The following GPC5 variants were observed in gnomAD, a reference collection of about 807,000 sequenced individuals.
The protein encoded by GPC5 is glypican 5.
Under a neutral mutation model 53.9 loss-of-function variants are expected in GPC5, and 47 were observed. That is an observed-to-expected ratio of 0.87 (90% CI 0.69 to 1.11). GPC5 has a LOEUF of 1.11. Among genes scored for constraint, GPC5 ranks in the 50% most tolerant of loss-of-function variants. The pLI, the probability that GPC5 is intolerant of heterozygous loss-of-function variation, is 0.00. For synonymous variants in GPC5, 286 were observed against 263.3 expected (o/e 1.09, Z -0.84); for missense variants, 748 against 713.1 (o/e 1.05, Z -0.56).
chr13:92,639,963 T>A (rs59856691), intron 7 of GPC5, among the ~76,000 whole-genome samples: 2,740 of 146,978 alleles, frequency 0.019, 75 homozygotes, highest in African/African-American at 0.067. Flanking sequence ...ATCCTGAGGA[T>A]TTTTTTTTTT....
chr13:92,583,973 T>C (rs1162590703), intron 7 of GPC5, among the ~76,000 whole-genome samples: 2 of 152,156 alleles, frequency 1.3e-5, no homozygotes, highest in East Asian at 1.9e-4. Flanking sequence ...CCTTCCACCA[T>C]GATTGTGAGG....
chr13:92,158,836 A>G (rs2041964803), intron 7 of GPC5, among the ~76,000 whole-genome samples: 1 of 152,114 alleles, frequency 6.6e-6, no homozygotes, highest in African/African-American at 2.4e-5. Flanking sequence ...TCCTCTAAGG[A>G]GAGGAGGCTG....
intron 7 of GPC5, among the ~76,000 whole-genome samples, chr13:92,523,588 A>C (rs995306136): frequency 6.6e-6 from 1 of 152,112 alleles, no homozygotes; most frequent in African/African-American, 2.4e-5. Context: ...CAAAATTTCT[A>C]GGTCTTCCAA....
intron 2 of GPC5, among the ~76,000 whole-genome samples, chr13:91,583,113 A>G (rs1407938980): frequency 6.6e-6 from 1 of 152,222 alleles, no homozygotes; most frequent in Non-Finnish European, 1.5e-5. Context: ...CAAACATTAT[A>G]CTTAATAATA....
chr13:92,398,211 C>T (rs891347015), intron 7 of GPC5, among the ~76,000 whole-genome samples: 4 of 151,590 alleles, frequency 2.6e-5, no homozygotes, highest in Non-Finnish European at 4.4e-5. Context: ...GGGCGGATCA[C>T]GAGGTCAGGA....
At position 92,144,945 on chromosome 13, in the gene GPC5, G is replaced by C; in HGVS notation, c.1517G>C (p.Gly506Ala). 6.3e-7 allele frequency: 1 copy of C among 1,578,506 alleles called. No homozygotes were observed. Among genetic ancestry groups the C allele is most frequent in the Non-Finnish European group, 8.6e-7 (1 of 1,165,594 alleles). The stretch of plus-strand genomic sequence containing the variant: ...TGTGATGATGAAGATGGTTGCGGGG[G>C]ATCAGGAAGTGGAGAAGTCAAGAGG... Reference protein sequence around the residue: ...GDCDDEDGCGGSGSGEVKRTL... With the variant: ...GDCDDEDGCGASGSGEVKRTL... The change falls in exon 7 of 8, where the codon GGA becomes GCA. Residue 506 changes from glycine to alanine, a missense_variant. Transcript: ENST00000377067.
At chr13:92,198,714 A>C (rs1254934992) in intron 7 of GPC5, among the ~76,000 whole-genome samples, 1 of 152,148 alleles carries the variant, frequency 6.6e-6, no homozygotes, top group South Asian at 2.1e-4. Flanking sequence ...CTTCTGATTC[A>C]GAGTGGGCAT....
intron 4 of GPC5, among the ~76,000 whole-genome samples, chr13:91,733,427 A>G (rs1319351210): frequency 6.6e-6 from 1 of 152,148 alleles, no homozygotes; most frequent in Non-Finnish European, 1.5e-5. Context: ...GCCACCGGGC[A>G]TGGCCTGCTA....
intron 2 of GPC5, among the ~76,000 whole-genome samples, chr13:91,481,720 C>G (rs558157416): frequency 6.6e-6 from 1 of 152,282 alleles, no homozygotes; most frequent in African/African-American, 2.4e-5. Flanking sequence ...CTCATAGCAC[C>G]TAGTTTTTGG....
chr13:92,851,677 T>C (rs2388945), intron 7 of GPC5, among the ~76,000 whole-genome samples: 150,034 of 151,012 alleles, frequency 0.99, 74,531 homozygotes, highest in East Asian at 1. Context: ...ATCAGGAGAT[T>C]GAGACCATCC....
At chr13:92,166,920 AGTCTCTCTCT>A (rs1357525326) in intron 7 of GPC5, among the ~76,000 whole-genome samples, 1 of 65,760 alleles carries the variant, frequency 1.5e-5, no homozygotes, top group African/African-American at 6.3e-5. Context: ...CATAAGTCTC[AGTCTCTCTCT>A]CTCTCTCTCT....
At chr13:92,169,300 C>T (rs2042053191) in intron 7 of GPC5, among the ~76,000 whole-genome samples, 1 of 152,168 alleles carries the variant, frequency 6.6e-6, no homozygotes, top group Non-Finnish European at 1.5e-5. Flanking sequence ...ACCTATGTAA[C>T]CAACCTGCAC....
chr13:91,973,239 T>C (rs1334831941), intron 6 of GPC5, among the ~76,000 whole-genome samples: 2 of 152,214 alleles, frequency 1.3e-5, no homozygotes, highest in African/African-American at 4.8e-5. Flanking sequence ...ACTGATACCC[T>C]TTCTTCCAGT....
intron 7 of GPC5, among the ~76,000 whole-genome samples, chr13:92,264,892 G>C (rs961484037): frequency 0.059 from 5,226 of 89,272 alleles, 303 homozygotes; most frequent in African/African-American, 0.19. Flanking sequence ...GTGTGTGTGT[G>C]TGTGTGTGTG....
intron 2 of GPC5, among the ~76,000 whole-genome samples, chr13:91,692,818 A>G (rs1027440341): frequency 6.6e-6 from 1 of 152,040 alleles, no homozygotes; most frequent in Non-Finnish European, 1.5e-5. Flanking sequence ...TAATTTTTGT[A>G]TTTTTAATAG....
chr13:92,613,380 T>A (rs1282787887), intron 7 of GPC5, among the ~76,000 whole-genome samples: 3 of 68,362 alleles, frequency 4.4e-5, no homozygotes, highest in Non-Finnish European at 7.4e-5. Flanking sequence ...TATAAATATA[T>A]TATATTATAT....
chr13:92,850,511 A>T (rs1566444872), intron 7 of GPC5, among the ~76,000 whole-genome samples: 1 of 152,142 alleles, frequency 6.6e-6, no homozygotes. Flanking sequence ...AGACAGGAGA[A>T]TCGCTGGAAC....
At chr13:92,574,033 G>T (rs974251409) in intron 7 of GPC5, among the ~76,000 whole-genome samples, 2 of 152,064 alleles carry the variant, frequency 1.3e-5, no homozygotes, top group African/African-American at 4.8e-5. Context: ...ATTCTTCCAA[G>T]TTTGTCTTTC....
intron 7 of GPC5, among the ~76,000 whole-genome samples, chr13:92,333,031 C>T (rs138149714): frequency 1.4e-4 from 22 of 152,238 alleles, no homozygotes; most frequent in African/African-American, 4.8e-4. Context: ...TATATTGGGT[C>T]ACAGATTTCC....
Sources: allele counts gnomAD v4.1 joint callset (sites outside exome capture counted in the v4.1 genomes callset), GRCh38; gene constraint gnomAD v4.1.1; transcripts MANE v1.5; gene names NCBI Gene and HGNC (gene_info 2026-07-23, HGNC 2026-07-21).